The following CTTNBP2 variants were observed in gnomAD, a reference collection of about 807,000 sequenced individuals.
The protein encoded by CTTNBP2 is cortactin-binding protein 2.
CTTNBP2 carries 108 observed loss-of-function variants against 156.9 expected under a neutral mutation model. The ratio of observed to expected loss-of-function variants is 0.69; its 90% CI spans 0.59 to 0.81. CTTNBP2 has a LOEUF of 0.81. Among genes scored for constraint, CTTNBP2 ranks in the 30% least tolerant of loss-of-function variants. CTTNBP2 has a pLI of 0.00. For missense variants in CTTNBP2, 1,924 were observed against 2,035.4 expected (o/e 0.95, Z 1.05); for synonymous variants, 767 against 751.8 (o/e 1.02, Z -0.33).
At chr7:117,743,058 G>A (rs958258858) in intron 14 of CTTNBP2, among the ~76,000 whole-genome samples, 1 of 152,218 alleles carries the variant, frequency 6.6e-6, no homozygotes, top group Non-Finnish European at 1.5e-5. Context: ...CAGTGTGGGA[G>A]TCAAGAGACA....
At chr7:117,722,837 T>C (rs920924322) in intron 19 of CTTNBP2, among the ~76,000 whole-genome samples, 33 of 152,108 alleles carry the variant, frequency 2.2e-4, no homozygotes, top group Admixed American at 1.9e-3. Flanking sequence ...CTACAGAAAA[T>C]AGCACTGGGC....
intron 1 of CTTNBP2, chr7:117,871,844 TCACACACACACACA>T (rs71150640): frequency 0.012 from 3,595 of 309,484 alleles, 166 homozygotes; most frequent in African/African-American, 0.11. Flanking sequence ...TCCTTCCCCT[TCACACACACACACA>T]CACACACACA....
At chr7:117,753,455 G>T (rs113869968) in intron 12 of CTTNBP2, among the ~76,000 whole-genome samples, 2 of 152,124 alleles carry the variant, frequency 1.3e-5, no homozygotes, top group Non-Finnish European at 2.9e-5. Flanking sequence ...ACATGCATAC[G>T]TATGTTTGCT....
intron 2 of CTTNBP2, among the ~76,000 whole-genome samples, chr7:117,832,924 T>C (rs1250247038): frequency 6.6e-6 from 1 of 151,868 alleles, no homozygotes; most frequent in Admixed American, 6.6e-5. Flanking sequence ...TTTTTCTTTT[T>C]TTTTGTACTT....
intron 2 of CTTNBP2, among the ~76,000 whole-genome samples, chr7:117,813,267 T>C (rs1164765741): frequency 6.6e-6 from 1 of 152,194 alleles, no homozygotes; most frequent in Non-Finnish European, 1.5e-5. Context: ...AGGCCATAAA[T>C]GTAGGACAAA....
rs780583898 is a variant in CTTNBP2, at chr7:117,792,602, T to C, written c.594A>G (p.Lys198=). 1 of 1,614,224 alleles carries C rather than the reference T, an allele frequency of 6.2e-7. No individual in the cohort carries two copies. The highest frequency in any genetic ancestry group is 1.1e-5 in the South Asian group (1 of 91,082). The part of the protein sequence containing the change: ...EAQKLEDVMA[K]LEEEKKKTNE... ...TCGTCTTTTTCTTTTCCTCTTCCAG[T>C]TTGGCCATTACGTCTTCGAGCTTCT... Residue 198 remains lysine, a synonymous_variant, in exon 4 of 23, where the codon AAA becomes AAG. Coordinates refer to ENST00000160373, the MANE Select transcript of CTTNBP2 (RefSeq NM_033427.3). This position sits in a 1 kb window ranked among gnomAD's most constrained non-coding sequence, Gnocchi z 4.2.
chr7:117,829,466 A>G (rs73477497), intron 2 of CTTNBP2, among the ~76,000 whole-genome samples: 1 of 152,356 alleles, frequency 6.6e-6, no homozygotes, highest in African/African-American at 2.4e-5. Context: ...GGGCAGACAG[A>G]ACTACCAGTT....
At chr7:117,775,622 C>T (rs576146946) in intron 8 of CTTNBP2, among the ~76,000 whole-genome samples, 3 of 149,452 alleles carry the variant, frequency 2.0e-5, no homozygotes, top group East Asian at 3.9e-4. Context: ...GCAGGTATAA[C>T]GCACTCCTAT....
At position 117,710,943 on chromosome 7, in the gene CTTNBP2, A is replaced by C. The variant is rs1321555837; in HGVS notation, c.*594T>G. 6.5e-6 allele frequency: 1 copy of C among 152,672 alleles called. No homozygotes were observed. The highest frequency in any genetic ancestry group is 1.9e-4 in the East Asian group (1 of 5,206). 9.5% of individuals were successfully genotyped at this position (152,672 alleles called of 1,614,324 possible). ...ATAAATATATACATGATGCTACCAA[A>C]TGGCAATGTAACCACTAAGAGATTT... On this transcript the variant is annotated 3_prime_UTR_variant, in exon 23 of 23. Transcript: ENST00000160373.
intron 1 of CTTNBP2, among the ~76,000 whole-genome samples, chr7:117,871,012 A>T (rs190205805): frequency 1.8e-4 from 27 of 152,366 alleles, no homozygotes; most frequent in African/African-American, 6.0e-4. Flanking sequence ...ACTCACTTTC[A>T]AAAATAGCCT....
At chr7:117,817,591 G>A (rs1247755405) in intron 2 of CTTNBP2, among the ~76,000 whole-genome samples, 1 of 151,162 alleles carries the variant, frequency 6.6e-6, no homozygotes, top group East Asian at 1.9e-4. Context: ...CTTTCCTATA[G>A]CATGTAATCC....
chr7:117,730,667 C>T (rs889721330), intron 16 of CTTNBP2, among the ~76,000 whole-genome samples: 20 of 152,288 alleles, frequency 1.3e-4, no homozygotes, highest in African/African-American at 4.6e-4. Flanking sequence ...TAGTGGGACT[C>T]TACTGGTTTT....
chr7:117,865,179 A>T (rs934368436), intron 1 of CTTNBP2, among the ~76,000 whole-genome samples: 1 of 151,950 alleles, frequency 6.6e-6, no homozygotes, highest in African/African-American at 2.4e-5. Flanking sequence ...GCTGCCACTC[A>T]CACAAAAAAA....
At chr7:117,852,381 A>G (rs566367545) in intron 2 of CTTNBP2, among the ~76,000 whole-genome samples, 1 of 152,256 alleles carries the variant, frequency 6.6e-6, no homozygotes, top group South Asian at 2.1e-4. Context: ...GACAGACTTA[A>G]TGACTAAAAT....
intron 10 of CTTNBP2, among the ~76,000 whole-genome samples, chr7:117,759,246 T>A (rs1797058635): frequency 1.3e-5 from 2 of 152,110 alleles, no homozygotes; most frequent in Admixed American, 1.3e-4. Flanking sequence ...TAGCTGGGAC[T>A]ACAGGTGCAT....
rs1000494620 is a variant in CTTNBP2 at position 117,787,127 on chromosome 7, C to G, written c.2069-2673G>C. On this transcript the variant is annotated intron_variant, in intron 4 of 22. Coordinates refer to ENST00000160373, the MANE Select transcript of CTTNBP2 (RefSeq NM_033427.3). ...CTGCCTAAATATGGGAAAAATAGGA[C>G]TTCATCATGAGACTATACTGTTCAT... 3.1e-4 allele frequency among the ~76,000 whole-genome samples: 47 copies of G among 152,138 alleles called. 1 individual carries two copies. The highest frequency in any genetic ancestry group is 2.0e-4 in the Admixed American group (3 of 15,266).
chr7:117,791,986 T>C lies in CTTNBP2; in HGVS notation c.1210A>G (p.Asn404Asp). The C allele has an allele frequency of 6.2e-7, 1 of 1,614,090 alleles. No individual in the cohort carries two copies. Among genetic ancestry groups the C allele is most frequent in the South Asian group, 1.1e-5 (1 of 91,080 alleles). ...PTSSTPPLPS[N>D]AAPPTAQTPG... ...GTTTGAGCGGTGGGAGGGGCAGCGT[T>C]ACTGGGAAGTGGGGGTGTGCTACTG... Residue 404 changes from asparagine to aspartate, a missense_variant, in exon 4 of 23, where the codon AAC (asparagine) becomes GAC (aspartate). By Grantham distance (23) the Asn-to-Asp change is conservative. Coordinates refer to ENST00000160373, the MANE Select transcript of CTTNBP2 (RefSeq NM_033427.3).
At chr7:117,853,587 C>G (rs1421324698) in intron 2 of CTTNBP2, among the ~76,000 whole-genome samples, 1 of 152,130 alleles carries the variant, frequency 6.6e-6, no homozygotes, top group Non-Finnish European at 1.5e-5. Context: ...ATTTTCAGAT[C>G]ACATGGAATT....
chr7:117,791,194 TG>T lies in CTTNBP2; in HGVS notation c.2001del (p.Ile668Ter). ...VIPTTIAFCSSINPVSASSCR... is the reference protein window; with the variant it reads ...VIPTTIAFCSXINPVSASSCR... ...CAGGATGAGGCACTAACGGGGTTTATGGAAGAGCAAAAGGCAATGGTGGTAG... is the reference window on the plus strand; with the variant it reads ...CAGGATGAGGCACTAACGGGGTTTATGAAGAGCAAAAGGCAATGGTGGTAG... On this transcript the variant is annotated frameshift_variant, in exon 4 of 23. Coordinates refer to ENST00000160373, the MANE Select transcript of CTTNBP2 (RefSeq NM_033427.3). LOFTEE classifies it high-confidence loss of function. The T allele has an allele frequency of 6.2e-7, 1 of 1,614,170 alleles. No homozygotes were observed.
Sources: allele counts gnomAD v4.1 joint callset (sites outside exome capture counted in the v4.1 genomes callset), GRCh38; gene constraint gnomAD v4.1.1; non-coding constraint Gnocchi (gnomAD v3.1); transcripts MANE v1.5; gene names NCBI Gene and HGNC (gene_info 2026-07-23, HGNC 2026-07-21).